Variants in SRPK1 observed in about 807,000 individuals in gnomAD.
The protein encoded by SRPK1 is SRSF protein kinase 1, also known as SFRS protein kinase 1.
A neutral mutation model predicts 89.5 loss-of-function variants in SRPK1; 52 were observed. That is an observed-to-expected ratio of 0.58 (90% CI 0.46 to 0.73). The LOEUF is 0.73. Ranked by LOEUF, SRPK1 falls within the 30% of genes least tolerant of loss-of-function variation. SRPK1 has a pLI of 0.00. For synonymous variants in SRPK1, 255 were observed against 270.2 expected, an observed-to-expected ratio of 0.94 and a Z score of 0.55; for missense variants, 603 against 780.6, an observed-to-expected ratio of 0.77 and a Z score of 2.71.
intron 15 of SRPK1, among the ~76,000 whole-genome samples, chr6:35,837,038 T>C (rs1769195355): frequency 6.6e-6 from 1 of 152,176 alleles, no homozygotes; most frequent in Non-Finnish European, 1.5e-5. Context: ...AAGGGAACCA[T>C]GGCACAATGG....
rs372429675 is a variant in SRPK1 at position 35,868,551 on chromosome 6, G to C, written c.1512+459C>G. Among the ~76,000 whole-genome samples, 31 of 152,256 alleles carry C rather than the reference G, an allele frequency of 2.0e-4. No homozygotes were observed. The South Asian group carries it at 6.0e-3, about 30-fold the overall frequency. ...GATTAAAGTGTACTAGGGAAACAAT[G>C]TAATGAACTGAATTGTATTTAAATT... On this transcript the variant is annotated intron_variant, in intron 12 of 15. Coordinates refer to ENST00000373825, the MANE Select transcript of SRPK1 (RefSeq NM_003137.5).
chr6:35,899,457 T>C (rs906034624), intron 2 of SRPK1, among the ~76,000 whole-genome samples: 1 of 152,174 alleles, frequency 6.6e-6, no homozygotes, highest in African/African-American at 2.4e-5. Flanking sequence ...CTCCAGACAC[T>C]CCCAGAATGT....
Position 35,869,493 on chromosome 6 carries a change from A to G in SRPK1, c.1400T>C (p.Leu467Pro), listed in dbSNP as rs748987695. The part of the protein sequence containing the change: ...DEQEQEHNGP[L>P]DNKGKSTAGN... ...AGCTGCATAGGTACCTTTGTTGTCC[A>G]GTGGTCCGTTATGTTCTTGCTCTTG... Residue 467 changes from leucine to proline, a missense_variant, in exon 11 of 16, where the codon CTG becomes CCG. Coordinates refer to ENST00000373825, the MANE Select transcript of SRPK1 (RefSeq NM_003137.5). 4.0e-5 allele frequency: 64 copies of G among 1,613,166 alleles called. No individual in the cohort carries two copies. In the South Asian group the frequency reaches 6.7e-4, roughly 17 times the overall value.
chr6:35,885,987 A>T (rs1770399768), intron 6 of SRPK1, among the ~76,000 whole-genome samples: 1 of 152,176 alleles, frequency 6.6e-6, no homozygotes, highest in South Asian at 2.1e-4. Context: ...GTTGAGGCTT[A>T]GTATAATAAA....
At chr6:35,842,258 A>T (rs1769326285) in intron 14 of SRPK1, among the ~76,000 whole-genome samples, 1 of 152,148 alleles carries the variant, frequency 6.6e-6, no homozygotes, top group Non-Finnish European at 1.5e-5. Flanking sequence ...ACTGATATAT[A>T]CAGAAAGGAA....
At chr6:35,886,202 T>C (rs977002343) in intron 6 of SRPK1, among the ~76,000 whole-genome samples, 1 of 151,686 alleles carries the variant, frequency 6.6e-6, no homozygotes, top group Admixed American at 6.6e-5. Context: ...AGCCTCAGCC[T>C]CTCCAGTAGC....
intron 2 of SRPK1, among the ~76,000 whole-genome samples, chr6:35,905,942 GACTA>G (rs529953628): frequency 6.6e-6 from 1 of 152,136 alleles, no homozygotes; most frequent in South Asian, 2.1e-4. Flanking sequence ...TAGAAACAAT[GACTA>G]ACTCACTCAC....
intron 2 of SRPK1, among the ~76,000 whole-genome samples, chr6:35,899,591 C>A (rs1429746761): frequency 1.3e-5 from 2 of 152,200 alleles, no homozygotes; most frequent in Non-Finnish European, 2.9e-5. Context: ...AAGTCCATTA[C>A]ACATCTGCCC....
At chr6:35,853,876 A>ATTCGGAGATTGTT (rs1232210513) in intron 13 of SRPK1, among the ~76,000 whole-genome samples, 1 of 142,882 alleles carries the variant, frequency 7.0e-6, no homozygotes, top group African/African-American at 2.6e-5. Flanking sequence ...TGACTCCAGC[A>ATTCGGAGATTGTT]TTCGGAGATT....
chr6:35,837,691 G>A (rs544406498), intron 15 of SRPK1, among the ~76,000 whole-genome samples: 4 of 152,044 alleles, frequency 2.6e-5, no homozygotes, highest in East Asian at 1.9e-4. Flanking sequence ...GAGTAGCTGC[G>A]ACCACAGGTG....
intron 13 of SRPK1, among the ~76,000 whole-genome samples, chr6:35,850,668 CAT>C (rs3840166): frequency 0.31 from 47,800 of 151,958 alleles, 7,734 homozygotes; most frequent in South Asian, 0.42. Flanking sequence ...TTCCAAAATG[CAT>C]ATGTCTACTG....
intron 13 of SRPK1, chr6:35,856,992 A>G (rs1769679136): frequency 2.7e-6 from 1 of 372,520 alleles, no homozygotes; most frequent in Non-Finnish European, 4.8e-6. Flanking sequence ...AACACCTCTT[A>G]GTAGTTGTTT....
chr6:35,897,236 A>G lies in SRPK1; in HGVS notation c.75-6223T>C, dbSNP rs563594366. ...TTATGTCTCAATAAAGCTTTAGAAA[A>G]CTAGGTCCAAATATAGTGCTTTATT... is the stretch of plus-strand genomic sequence containing the variant. On this transcript the variant is annotated intron_variant, in intron 2 of 15. Transcript: ENST00000373825. Among the ~76,000 whole-genome samples the G allele has an allele frequency of 5.5e-4, 84 of 152,322 alleles. 1 individual carries two copies. The highest frequency in any genetic ancestry group is 3.4e-3 in the Middle Eastern group (1 of 294).
At chr6:35,844,975 A>C (rs1256690966) in intron 13 of SRPK1, among the ~76,000 whole-genome samples, 1 of 152,234 alleles carries the variant, frequency 6.6e-6, no homozygotes, top group African/African-American at 2.4e-5. Flanking sequence ...TCAGTGCTAA[A>C]AAGAAATGAG....
chr6:35,920,971 A>T (rs1404010768), intron 1 of SRPK1, 73 bp downstream of exon 1: 2 of 1,493,544 alleles, frequency 1.3e-6, no homozygotes, highest in Admixed American at 2.1e-5. Context: ...AGTTAAGCGA[A>T]GCTCCCGGCG....
chr6:35,865,218 T>G (rs1174016684), intron 12 of SRPK1, among the ~76,000 whole-genome samples: 2 of 152,160 alleles, frequency 1.3e-5, no homozygotes, highest in Non-Finnish European at 2.9e-5. Context: ...GATAAATGCT[T>G]GAAGGGATGG....
intron 2 of SRPK1, among the ~76,000 whole-genome samples, chr6:35,902,365 A>T (rs1231138160): frequency 6.6e-6 from 1 of 152,092 alleles, no homozygotes; most frequent in Non-Finnish European, 1.5e-5. Context: ...GTAAGCTATG[A>T]TCACGCCACT....
intron 12 of SRPK1, among the ~76,000 whole-genome samples, chr6:35,860,145 C>T (rs1383720896): frequency 1.3e-5 from 2 of 151,934 alleles, no homozygotes; most frequent in South Asian, 2.1e-4. Flanking sequence ...ATTACAGGGG[C>T]GAGCCAAGAA....
intron 14 of SRPK1, chr6:35,838,843 A>G (rs750079397): frequency 7.4e-7 from 1 of 1,355,586 alleles, no homozygotes; most frequent in Non-Finnish European, 9.8e-7. Flanking sequence ...CAAGCTGTAA[A>G]AGAGGTTTTT....
Sources: allele counts gnomAD v4.1 joint callset (sites outside exome capture counted in the v4.1 genomes callset), GRCh38; gene constraint gnomAD v4.1.1; transcripts MANE v1.5; gene names NCBI Gene and HGNC (gene_info 2026-07-23, HGNC 2026-07-21).